Variants in RAB10 observed in about 807,000 individuals in gnomAD.
RAB10 encodes the protein RAB10, member RAS oncogene family.
In RAB10, 5 loss-of-function variants were observed where a neutral mutation model predicts 25.7. The observed-to-expected ratio is 0.19, with a 90% CI of 0.10 to 0.41. The LOEUF (loss-of-function observed/expected upper bound fraction) is 0.41, where lower values mean the gene tolerates loss of function less well. Ranked by LOEUF, RAB10 falls within the 10% of genes least tolerant of loss-of-function variation. RAB10 has a pLI of 1.00. For missense variants in RAB10, 103 were observed against 245.8 expected, an observed-to-expected ratio of 0.42 and a Z score of 3.89; for synonymous variants, 89 against 86.4, an observed-to-expected ratio of 1.03 and a Z score of -0.16.
intron 1 of RAB10, among the ~76,000 whole-genome samples, chr2:26,041,619 G>C (rs1665888479): frequency 6.6e-6 from 1 of 151,312 alleles, no homozygotes; most frequent in Admixed American, 6.6e-5. Flanking sequence ...AAATTGAAAG[G>C]TTGGGGCTGG....
At chr2:26,087,565 G>A (rs1158232812) in intron 1 of RAB10, among the ~76,000 whole-genome samples, 1 of 152,112 alleles carries the variant, frequency 6.6e-6, no homozygotes, top group South Asian at 2.1e-4. Flanking sequence ...ACCATGCCCA[G>A]CTAATTTTTG....
chr2:26,086,160 C>CAAAA (rs1280935325), intron 1 of RAB10, among the ~76,000 whole-genome samples: 1 of 151,232 alleles, frequency 6.6e-6, no homozygotes. Flanking sequence ...ACTAAAAATA[C>CAAAA]AAAAAAAAGT....
At chr2:26,110,676 C>G (rs1285674494) in intron 3 of RAB10, among the ~76,000 whole-genome samples, 1 of 151,938 alleles carries the variant, frequency 6.6e-6, no homozygotes, top group Non-Finnish European at 1.5e-5. Context: ...AAAATAGTTC[C>G]ATTGCATGTG....
At chr2:26,039,328 C>CTCGGTAGCATATAT (rs1665833983) in intron 1 of RAB10, among the ~76,000 whole-genome samples, 1 of 149,020 alleles carries the variant, frequency 6.7e-6, no homozygotes, top group African/African-American at 2.5e-5. Context: ...GCCAAATAGT[C>CTCGGTAGCATATAT]ACATTTTAAA....
At chr2:26,089,498 T>C (rs1028091234) in intron 1 of RAB10, among the ~76,000 whole-genome samples, 1 of 151,930 alleles carries the variant, frequency 6.6e-6, no homozygotes, top group Non-Finnish European at 1.5e-5. Flanking sequence ...TTTGTAAACA[T>C]ACCTCCTTCT....
At chr2:26,084,058 C>T (rs968520354) in intron 1 of RAB10, among the ~76,000 whole-genome samples, 2 of 152,194 alleles carry the variant, frequency 1.3e-5, no homozygotes, top group African/African-American at 4.8e-5. Flanking sequence ...AAAATGCTCC[C>T]TGTGTTTCTT....
At chr2:26,076,364 C>T (rs1666734594) in intron 1 of RAB10, among the ~76,000 whole-genome samples, 3 of 152,130 alleles carry the variant, frequency 2.0e-5, no homozygotes, top group African/African-American at 7.2e-5. Context: ...TGACATTAAA[C>T]TTGTATTTGC....
At chr2:26,069,138 A>G (rs1432762389) in intron 1 of RAB10, among the ~76,000 whole-genome samples, 1 of 152,206 alleles carries the variant, frequency 6.6e-6, no homozygotes, top group Non-Finnish European at 1.5e-5. Context: ...TTAATGCCCA[A>G]AAAGTTGGCT....
chr2:26,079,313 A>G (rs1020254557), intron 1 of RAB10, among the ~76,000 whole-genome samples: 4 of 84,800 alleles, frequency 4.7e-5, no homozygotes, highest in African/African-American at 2.0e-4. Flanking sequence ...AGTTTGAAAC[A>G]CACACACACA....
At position 26,037,929 on chromosome 2, in the gene RAB10, C is replaced by T. The variant is rs375151871; in HGVS notation, c.127+3194C>T. On this transcript the variant is annotated intron_variant, in intron 1 of 5. Transcript: ENST00000264710. ...GAGACGGAGTTTCGTTCTTTTTGCCCAGGCTGGAGTGCAATGGTGTGATCT... is the reference window on the plus strand; with the variant it reads ...GAGACGGAGTTTCGTTCTTTTTGCCTAGGCTGGAGTGCAATGGTGTGATCT... Among the ~76,000 whole-genome samples the T allele has an allele frequency of 1.8e-3, 275 of 152,114 alleles. 1 individual carries two copies. Among genetic ancestry groups the T allele is most frequent in the African/African-American group, 6.5e-3 (268 of 41,504 alleles).
chr2:26,121,770 T>C (rs1242246574), intron 3 of RAB10, among the ~76,000 whole-genome samples: 1 of 152,196 alleles, frequency 6.6e-6, no homozygotes, highest in Non-Finnish European at 1.5e-5. Flanking sequence ...GTAACAGAGA[T>C]GCAGTATTAA....
At chr2:26,069,696 A>G (rs1030484572) in intron 1 of RAB10, among the ~76,000 whole-genome samples, 22 of 151,716 alleles carry the variant, frequency 1.5e-4, no homozygotes, top group Non-Finnish European at 3.1e-4. Flanking sequence ...AAAAAAGGAA[A>G]AACAACTACT....
chr2:26,127,595 C>G (rs1667930363), intron 4 of RAB10, among the ~76,000 whole-genome samples: 1 of 152,164 alleles, frequency 6.6e-6, no homozygotes, highest in Non-Finnish European at 1.5e-5. Flanking sequence ...CCTGAGGAGT[C>G]AGGTTGAGCT....
At chr2:26,085,786 C>G (rs144869312) in intron 1 of RAB10, among the ~76,000 whole-genome samples, 1 of 151,948 alleles carries the variant, frequency 6.6e-6, no homozygotes, top group African/African-American at 2.4e-5. Flanking sequence ...CACCTGAGGT[C>G]GAGAGTTCGA....
At chr2:26,123,282 G>A (rs899404563) in intron 3 of RAB10, among the ~76,000 whole-genome samples, 1 of 152,062 alleles carries the variant, frequency 6.6e-6, no homozygotes, top group African/African-American at 2.4e-5. Context: ...ACATTGAAGT[G>A]GTCTACTTGC....
intron 2 of RAB10, among the ~76,000 whole-genome samples, chr2:26,104,071 G>A (rs1351550073): frequency 2.0e-5 from 3 of 152,056 alleles, no homozygotes; most frequent in African/African-American, 4.8e-5. Context: ...TTGTGTGGAC[G>A]TACAAGTTTT....
At position 26,136,677 on chromosome 2, in the gene RAB10, T is replaced by G. The variant is rs757684934; in HGVS notation, c.*1656T>G. 6 of 152,648 alleles carry G rather than the reference T, an allele frequency of 3.9e-5. No individual in the cohort carries two copies. The highest frequency in any genetic ancestry group is 7.3e-5 in the Non-Finnish European group (5 of 68,042). 9.5% of individuals were successfully genotyped at this position (152,648 alleles called of 1,614,324 possible). ...AGAGGCTGAGTTTAGGACAGCAGCT[T>G]CCATTGAGAAGTCTTTCTGTGTCGT... On this transcript the variant is annotated 3_prime_UTR_variant, in exon 6 of 6. Transcript: ENST00000264710.
At position 26,037,972 on chromosome 2, in the gene RAB10, C is replaced by T. The variant is rs189790744; in HGVS notation, c.127+3237C>T. 1.2e-4 allele frequency among the ~76,000 whole-genome samples: 18 copies of T among 150,930 alleles called. No individual in the cohort carries two copies. The East Asian group carries it at 2.8e-3, about 23-fold the overall frequency. On this transcript the variant is annotated intron_variant, in intron 1 of 5. Transcript: ENST00000264710. ...TGTGATCTCGGCTCACTGCAACCTCCGCCTCCCAGGCTTAGGTGATTCTTC... is the reference window on the plus strand; with the variant it reads ...TGTGATCTCGGCTCACTGCAACCTCTGCCTCCCAGGCTTAGGTGATTCTTC...
At chr2:26,133,187 A>G (rs955542760) in intron 5 of RAB10, among the ~76,000 whole-genome samples, 15 of 152,290 alleles carry the variant, frequency 9.8e-5, no homozygotes, top group African/African-American at 3.6e-4. Flanking sequence ...AAAATATTTT[A>G]ATTTTTTCCC....
Sources: gnomAD v4.1 joint callset for allele counts (sites outside exome capture counted in the v4.1 genomes callset) on GRCh38, gnomAD v4.1.1 for gene constraint, MANE v1.5 for transcripts, NCBI Gene and HGNC (gene_info 2026-07-23, HGNC 2026-07-21) for gene names.